The following RNF220 variants were observed in gnomAD, a reference collection of about 807,000 sequenced individuals.
The protein encoded by RNF220 is E3 ubiquitin-protein ligase RNF220.
A neutral mutation model predicts 67.1 loss-of-function variants in RNF220; 7 were observed. That is an observed-to-expected ratio of 0.10 (90% CI 0.06 to 0.20). The LOEUF (loss-of-function observed/expected upper bound fraction) is 0.20, where lower values mean the gene tolerates loss of function less well. Among genes scored for constraint, RNF220 ranks in the 10% least tolerant of loss-of-function variants. The pLI is 1.00. For missense variants in RNF220, 565 were observed against 740.3 expected (o/e 0.76, Z 2.75); for synonymous variants, 270 against 283.2 (o/e 0.95, Z 0.47).
chr1:44,442,602 C>G (rs2147901930), intron 2 of RNF220, among the ~76,000 whole-genome samples: 1 of 149,056 alleles, frequency 6.7e-6, no homozygotes, highest in East Asian at 2.0e-4. Flanking sequence ...GCAGCTTTGA[C>G]TTCCCAGGTT....
chr1:44,490,476 C>CAA (rs958591323), intron 2 of RNF220, among the ~76,000 whole-genome samples: 6 of 120,152 alleles, frequency 5.0e-5, no homozygotes, highest in African/African-American at 1.2e-4. Context: ...AACTTCATTC[C>CAA]AAAAAAAAAA....
chr1:44,608,672 G>C (rs190879368), intron 2 of RNF220, among the ~76,000 whole-genome samples: 44 of 152,242 alleles, frequency 2.9e-4, no homozygotes, highest in Non-Finnish European at 5.9e-5. Context: ...CAAATGGACA[G>C]ATAATGGATA....
At chr1:44,434,232 A>T (rs1650712768) in intron 2 of RNF220, among the ~76,000 whole-genome samples, 1 of 152,016 alleles carries the variant, frequency 6.6e-6, no homozygotes. Context: ...TTTGAGGAGG[A>T]GAGAGAAGGC....
chr1:44,475,327 T>C (rs897301150), intron 2 of RNF220, among the ~76,000 whole-genome samples: 2 of 152,020 alleles, frequency 1.3e-5, no homozygotes, highest in East Asian at 1.9e-4. Flanking sequence ...TCCCAGCACT[T>C]TGGGAGGCCG....
chr1:44,497,778 A>G (rs1657474305), intron 2 of RNF220, among the ~76,000 whole-genome samples: 1 of 152,180 alleles, frequency 6.6e-6, no homozygotes, highest in Non-Finnish European at 1.5e-5. Flanking sequence ...CACCTTATTG[A>G]GCACCTACTA....
intron 2 of RNF220, among the ~76,000 whole-genome samples, chr1:44,508,932 G>A (rs999938262): frequency 5.9e-5 from 9 of 152,134 alleles, no homozygotes; most frequent in African/African-American, 2.2e-4. Context: ...GGACTCAAGA[G>A]AGATTAATTT....
At chr1:44,526,003 C>A (rs925094123) in intron 2 of RNF220, among the ~76,000 whole-genome samples, 5 of 152,188 alleles carry the variant, frequency 3.3e-5, no homozygotes, top group Admixed American at 6.5e-5. Context: ...GCCCACCATT[C>A]CCCTCCTAGC....
Position 44,586,041 on chromosome 1 carries a change from C to T in RNF220, c.626-28124C>T, listed in dbSNP as rs1665671312. 2.0e-5 allele frequency among the ~76,000 whole-genome samples: 3 copies of T among 152,296 alleles called. No homozygotes were observed. In the South Asian group the frequency reaches 6.2e-4, roughly 32 times the overall value. ...CCCCCATTGCCCTGTGCTATTTGGG[C>T]TTTGCATAGGGTAGTTACCTGGAAA... On this transcript the variant is annotated intron_variant, in intron 2 of 14. Transcript: ENST00000361799.
At chr1:44,582,601 A>G (rs1303483146) in intron 2 of RNF220, among the ~76,000 whole-genome samples, 1 of 150,808 alleles carries the variant, frequency 6.6e-6, no homozygotes, top group African/African-American at 2.4e-5. Context: ...TACTAAAAAT[A>G]CAAAAATTAG....
intron 2 of RNF220, among the ~76,000 whole-genome samples, chr1:44,521,317 C>T (rs902388338): frequency 6.6e-6 from 1 of 152,218 alleles, no homozygotes; most frequent in Non-Finnish European, 1.5e-5. Flanking sequence ...ATGCTAGGTA[C>T]TGTGCTTGAC....
At position 44,565,818 on chromosome 1, in the gene RNF220, G is replaced by A. The variant is rs1572898196; in HGVS notation, c.626-48347G>A. 6.6e-6 allele frequency among the ~76,000 whole-genome samples: 1 copy of A among 152,086 alleles called. No individual in the cohort carries two copies. The highest frequency in any genetic ancestry group is 2.4e-5 in the African/African-American group (1 of 41,386). ...ATCTGGAGACTCCCATCCCCGTCCT[G>A]CAACCCAGTCCTCCTGCTGCAGTCT... On this transcript the variant is annotated intron_variant, in intron 2 of 14. Transcript: ENST00000361799. The surrounding 1 kb of genome is among the most constrained non-coding windows in gnomAD (Gnocchi z 4.2).
intron 2 of RNF220, among the ~76,000 whole-genome samples, chr1:44,587,438 C>T (rs752507896): frequency 6.6e-6 from 1 of 152,202 alleles, no homozygotes; most frequent in Non-Finnish European, 1.5e-5. Flanking sequence ...TGAGCCACCA[C>T]GCCCGGCCAC....
At chr1:44,643,922 C>A in intron 8 of RNF220, 1 of 153,188 alleles carries the variant, frequency 6.5e-6, no homozygotes, top group Non-Finnish European at 1.5e-5. Context: ...GCCCCTCCCT[C>A]TGAGCTGAGA....
At chr1:44,515,627 T>C (rs1659395654) in intron 2 of RNF220, among the ~76,000 whole-genome samples, 1 of 152,212 alleles carries the variant, frequency 6.6e-6, no homozygotes, top group African/African-American at 2.4e-5. Context: ...ACTTCCCTTT[T>C]ATTTTCCCTT....
intron 2 of RNF220, among the ~76,000 whole-genome samples, chr1:44,596,819 G>C (rs1666530640): frequency 6.6e-6 from 1 of 152,144 alleles, no homozygotes; most frequent in Non-Finnish European, 1.5e-5. Context: ...CTTCCCTCTA[G>C]TCCGCTCTCA....
chr1:44,641,012 C>T (rs1184535888), intron 8 of RNF220, among the ~76,000 whole-genome samples: 3 of 152,134 alleles, frequency 2.0e-5, no homozygotes, highest in African/African-American at 4.8e-5. Flanking sequence ...GTTTCTCAAT[C>T]GATCATCTGA....
chr1:44,572,603 G>T (rs1467764605), intron 2 of RNF220, among the ~76,000 whole-genome samples: 1 of 151,888 alleles, frequency 6.6e-6, no homozygotes, highest in Non-Finnish European at 1.5e-5. Context: ...CCTATTTACT[G>T]TTCCTTCTAC....
At position 44,624,890 on chromosome 1, in the gene RNF220, T is replaced by G. The variant is rs1643894408; in HGVS notation, c.805-1407T>G. 1.3e-5 allele frequency among the ~76,000 whole-genome samples: 2 copies of G among 152,250 alleles called. No individual in the cohort carries two copies. The highest frequency in any genetic ancestry group is 2.9e-5 in the Non-Finnish European group (2 of 68,046). ...GAAGAGCCAGGCAAAAAGTCATGAT[T>G]TAATGCCGGGATTTTTTTTCAAAAC... On this transcript the variant is annotated intron_variant, in intron 4 of 14. Transcript: ENST00000361799. This position sits in a 1 kb window ranked among gnomAD's most constrained non-coding sequence, Gnocchi z 4.2.
chr1:44,423,984 G>A (rs1557911173), intron 2 of RNF220: 1 of 985,290 alleles, frequency 1.0e-6, no homozygotes, highest in Non-Finnish European at 1.2e-6. Context: ...TCCCCGCTGT[G>A]GTTTTCCTTC....
Sources: allele counts gnomAD v4.1 joint callset (sites outside exome capture counted in the v4.1 genomes callset), GRCh38; gene constraint gnomAD v4.1.1; non-coding constraint Gnocchi (gnomAD v3.1); transcripts MANE v1.5; gene names NCBI Gene and HGNC (gene_info 2026-07-23, HGNC 2026-07-21).